Variants in ACBD6 observed in about 807,000 individuals in gnomAD.
The protein encoded by ACBD6 is acyl-CoA binding domain containing 6.
In ACBD6, 28 loss-of-function variants were observed where a neutral mutation model predicts 37.2. The observed-to-expected ratio is 0.75, with a 90% confidence interval of 0.56 to 1.03. The LOEUF (loss-of-function observed/expected upper bound fraction) is 1.03. Ranked by LOEUF, ACBD6 falls within the 50% of genes least tolerant of loss-of-function variation. The probability of loss-of-function intolerance (pLI) is 0.00; values close to 1 mark genes in which losing one functional copy is unlikely to be tolerated. For missense variants in ACBD6, 340 were observed against 337.4 expected (o/e 1.01, Z -0.06); for synonymous variants, 113 against 126.8 (o/e 0.89, Z 0.73).
intron 3 of ACBD6, among the ~76,000 whole-genome samples, chr1:180,484,892 C>T (rs765506094): frequency 5.3e-5 from 8 of 151,646 alleles, no homozygotes; most frequent in Non-Finnish European, 1.0e-4. Context: ...GGTGAAACCC[C>T]GTCTCTACTA....
Position 180,406,176 on chromosome 1 carries a change from G to A in ACBD6, c.573+7190C>T, listed in dbSNP as rs930267334. On this transcript the variant is annotated intron_variant, in intron 5 of 7. Coordinates refer to ENST00000367595, the MANE Select transcript of ACBD6 (RefSeq NM_032360.4). The stretch of plus-strand genomic sequence containing the variant: ...TAATTTTCTCAAATTAGAAATATAT[G>A]CCTTACTATATTAGCATAGGTTGAG... Among the ~76,000 whole-genome samples, 17 of 152,028 alleles carry A rather than the reference G, an allele frequency of 1.1e-4. No homozygotes were observed. In the East Asian group the frequency reaches 3.3e-3, roughly 29 times the overall value.
chr1:180,389,156 C>T (rs914050946), intron 6 of ACBD6, among the ~76,000 whole-genome samples: 1 of 152,160 alleles, frequency 6.6e-6, no homozygotes, highest in African/African-American at 2.4e-5. Flanking sequence ...CCTTCCCGCT[C>T]CCCCGCCCAC....
Position 180,372,307 on chromosome 1 carries a change from CTATT to C in ACBD6, c.663+25205_663+25208del, listed in dbSNP as rs760808506. ...CAGATTCAACAATTAACTTTCTGTC[CTATT>C]TATCTTTGCTGAAGTAGATTAAATA... On this transcript the variant is annotated intron_variant, in intron 6 of 7. Coordinates refer to ENST00000367595, the MANE Select transcript of ACBD6 (RefSeq NM_032360.4). 4.6e-5 allele frequency among the ~76,000 whole-genome samples: 7 copies of C among 152,170 alleles called. No homozygotes were observed. The South Asian group carries it at 1.2e-3, about 27-fold the overall frequency.
chr1:180,271,666 G>A, exon 14 of ACBD6: 2 of 1,355,682 alleles, frequency 1.5e-6, no homozygotes, highest in Middle Eastern at 2.4e-4. Context: ...CAGAACTGAA[G>A]ACAGAGTTCT....
intron 1 of ACBD6, 96 bp downstream of exon 1, chr1:180,501,949 T>C: frequency 1.6e-6 from 2 of 1,215,276 alleles, no homozygotes; most frequent in Non-Finnish European, 2.4e-6. Flanking sequence ...CAAGCTTCAT[T>C]ACACCTAGCT....
intron 3 of ACBD6, among the ~76,000 whole-genome samples, chr1:180,454,319 C>T (rs1649830768): frequency 1.3e-5 from 2 of 152,178 alleles, no homozygotes; most frequent in Non-Finnish European, 2.9e-5. Flanking sequence ...ACTGGCTAGC[C>T]ATATGCAGAA....
intron 6 of ACBD6, among the ~76,000 whole-genome samples, chr1:180,362,412 T>A (rs1262157854): frequency 2.0e-5 from 3 of 152,018 alleles, no homozygotes; most frequent in Non-Finnish European, 4.4e-5. Context: ...GGAGACCAAA[T>A]GCCAACTGAC....
intron 5 of ACBD6, among the ~76,000 whole-genome samples, chr1:180,412,214 C>CTAGTCCCT (rs1055640519): frequency 7.9e-5 from 12 of 151,880 alleles, no homozygotes; most frequent in African/African-American, 2.9e-4. Context: ...CATAGTATTA[C>CTAGTCCCT]TAGTCCCTTT....
At position 180,314,834 on chromosome 1, in the gene ACBD6, G is replaced by A. The variant is rs547962118; in HGVS notation, c.664-112C>T. The A allele has an allele frequency of 2.9e-4, 236 of 803,240 alleles. 1 individual carries two copies. Among genetic ancestry groups the A allele is most frequent in the Non-Finnish European group, 4.5e-4 (212 of 474,710 alleles). The allele number at this position is 803,240 out of a possible 1,614,324, so 49.8% of individuals were successfully genotyped here. On this transcript the variant is annotated intron_variant, in intron 6 of 7. Coordinates refer to ENST00000367595, the MANE Select transcript of ACBD6 (RefSeq NM_032360.4). ...ATACCAAAGTTCCATAGGTTTATCA[G>A]ACTTAGGAAAAGAAGTCAGTTAACT...
intron 7 of ACBD6, among the ~76,000 whole-genome samples, chr1:180,310,273 T>C (rs956445135): frequency 3.3e-5 from 5 of 152,162 alleles, no homozygotes; most frequent in South Asian, 2.1e-4. Context: ...GGCAGAAGGA[T>C]TGCTCAAGCA....
intron 3 of ACBD6, among the ~76,000 whole-genome samples, chr1:180,451,794 TA>T (rs1261048409): frequency 6.6e-6 from 1 of 152,300 alleles, no homozygotes; most frequent in East Asian, 1.9e-4. Flanking sequence ...AGATGAATTG[TA>T]ATGATGGTTG....
At chr1:180,465,424 T>G (rs1390838736) in intron 3 of ACBD6, among the ~76,000 whole-genome samples, 4 of 152,170 alleles carry the variant, frequency 2.6e-5, no homozygotes, top group African/African-American at 9.7e-5. Flanking sequence ...TCAACATCAC[T>G]GATCATTCGA....
intron 7 of ACBD6, among the ~76,000 whole-genome samples, chr1:180,292,211 C>G (rs1184937515): frequency 6.6e-6 from 1 of 152,064 alleles, no homozygotes; most frequent in Non-Finnish European, 1.5e-5. Flanking sequence ...TTACAAAGAT[C>G]CTGCTGGGAT....
At chr1:180,430,923 A>C (rs1211616008) in intron 3 of ACBD6, among the ~76,000 whole-genome samples, 6 of 152,188 alleles carry the variant, frequency 3.9e-5, no homozygotes. Context: ...ATGAACCTGG[A>C]TAATACTGTC....
chr1:180,359,527 TAGG>T (rs1411227954), intron 6 of ACBD6, among the ~76,000 whole-genome samples: 26 of 152,188 alleles, frequency 1.7e-4, no homozygotes, highest in Non-Finnish European at 3.5e-4. Context: ...AAGGATTTGT[TAGG>T]ATGGAATTTA....
At chr1:180,456,322 C>T (rs12730889) in intron 3 of ACBD6, among the ~76,000 whole-genome samples, 73,919 of 151,936 alleles carry the variant, frequency 0.49, 20,800 homozygotes, top group South Asian at 0.66. Context: ...CATTTTCTAA[C>T]TCTATATCAA....
chr1:180,320,584 A>G (rs1162764992), intron 6 of ACBD6, among the ~76,000 whole-genome samples: 1 of 152,206 alleles, frequency 6.6e-6, no homozygotes, highest in Non-Finnish European at 1.5e-5. Context: ...GGTTGCAGTG[A>G]GCTGAGATCA....
At chr1:180,402,941 T>G (rs557604999) in intron 5 of ACBD6, among the ~76,000 whole-genome samples, 20 of 152,266 alleles carry the variant, frequency 1.3e-4, no homozygotes, top group Non-Finnish European at 2.2e-4. Flanking sequence ...GAAGTTGCCA[T>G]GAAAACAGCC....
At chr1:180,488,484 A>G (rs781404510) in intron 3 of ACBD6, among the ~76,000 whole-genome samples, 1 of 152,194 alleles carries the variant, frequency 6.6e-6, no homozygotes, top group Non-Finnish European at 1.5e-5. Context: ...ATATATTTCC[A>G]ATATCAGCTG....
Sources: allele counts gnomAD v4.1 joint callset (sites outside exome capture counted in the v4.1 genomes callset), GRCh38; gene constraint gnomAD v4.1.1; transcripts MANE v1.5; gene names NCBI Gene and HGNC (gene_info 2026-07-23, HGNC 2026-07-21).